Variants in EVI5 observed in about 807,000 individuals in gnomAD.
The protein encoded by EVI5 is ecotropic viral integration site 5 protein homolog.
In EVI5, 73 loss-of-function variants were observed where a neutral mutation model predicts 112.0. The observed-to-expected ratio is 0.65, with a 90% CI of 0.54 to 0.79. EVI5 has a LOEUF of 0.79. EVI5 is among the 30% of genes least tolerant of loss of function. EVI5 has a pLI of 0.00. For synonymous variants in EVI5, 305 were observed against 319.9 expected, an observed-to-expected ratio of 0.95 and a Z score of 0.50; for missense variants, 900 against 968.8, an observed-to-expected ratio of 0.93 and a Z score of 0.94.
chr1:92,722,749 T>C (rs1674961166), intron 2 of EVI5, among the ~76,000 whole-genome samples: 1 of 152,156 alleles, frequency 6.6e-6, no homozygotes, highest in Non-Finnish European at 1.5e-5. Flanking sequence ...AATCTACATA[T>C]TATTTTAAAA....
At chr1:92,673,369 G>A (rs6679839) in intron 10 of EVI5, among the ~76,000 whole-genome samples, 140,168 of 152,128 alleles carry the variant, frequency 0.92, 64,653 homozygotes, top group East Asian at 0.97. Flanking sequence ...AGATCTCTGC[G>A]TCCCGAAGCA....
At chr1:92,704,787 G>T in intron 2 of EVI5, 43 bp from the exon 3 acceptor site, 1 of 904,594 alleles carries the variant, frequency 1.1e-6, no homozygotes. Context: ...ATCGGACAGT[G>T]ATATTAGAAG....
At chr1:92,537,101 A>C (rs186237242) in intron 19 of EVI5, among the ~76,000 whole-genome samples, 1 of 152,302 alleles carries the variant, frequency 6.6e-6, no homozygotes, top group Admixed American at 6.5e-5. Context: ...GGTATTTTGA[A>C]AGACAATCAA....
At chr1:92,690,170 G>A (rs957006195) in intron 9 of EVI5, among the ~76,000 whole-genome samples, 5 of 152,102 alleles carry the variant, frequency 3.3e-5, no homozygotes, top group African/African-American at 7.2e-5. Context: ...GAGCCACCAC[G>A]CCTGGCTGAA....
chr1:92,530,117 C>A (rs1662612009), intron 19 of EVI5, among the ~76,000 whole-genome samples: 1 of 152,100 alleles, frequency 6.6e-6, no homozygotes, highest in South Asian at 2.1e-4. Flanking sequence ...ATATTTATAT[C>A]CTAGAACTTA....
At chr1:92,610,704 ATAAT>A (rs1651567148) in intron 16 of EVI5, among the ~76,000 whole-genome samples, 1 of 152,196 alleles carries the variant, frequency 6.6e-6, no homozygotes, top group South Asian at 2.1e-4. Context: ...TACTGAAGAA[ATAAT>A]TAGTGTCCCA....
intron 16 of EVI5, among the ~76,000 whole-genome samples, chr1:92,617,886 C>T (rs1653595139): frequency 6.6e-6 from 1 of 152,146 alleles, no homozygotes; most frequent in South Asian, 2.1e-4. Flanking sequence ...TCACGGAATA[C>T]CTTAAACACC....
chr1:92,647,455 G>T, intron 13 of EVI5: 1 of 399,632 alleles, frequency 2.5e-6, no homozygotes, highest in South Asian at 3.2e-5. Flanking sequence ...ATCTGCCTTT[G>T]TCATTTCACC....
intron 19 of EVI5, among the ~76,000 whole-genome samples, chr1:92,562,021 T>G (rs903898435): frequency 6.6e-6 from 1 of 152,230 alleles, no homozygotes; most frequent in African/African-American, 2.4e-5. Flanking sequence ...AGAAATAAAG[T>G]CAATCTATAC....
intron 18 of EVI5, among the ~76,000 whole-genome samples, chr1:92,576,832 T>G (rs1247731246): frequency 6.6e-6 from 1 of 152,220 alleles, no homozygotes; most frequent in Non-Finnish European, 1.5e-5. Context: ...CTGAGCCTCT[T>G]GTCAATCTTA....
intron 2 of EVI5, among the ~76,000 whole-genome samples, chr1:92,735,328 A>G (rs1161562608): frequency 6.6e-6 from 1 of 152,132 alleles, no homozygotes; most frequent in Non-Finnish European, 1.5e-5. Flanking sequence ...CCATTTCTAC[A>G]AAATTCTAGA....
chr1:92,776,457 T>G (rs571801789), intron 1 of EVI5, among the ~76,000 whole-genome samples: 60 of 152,256 alleles, frequency 3.9e-4, no homozygotes, highest in African/African-American at 1.4e-3. Flanking sequence ...AATGGGTGGT[T>G]TTATCATTCA....
chr1:92,745,314 T>C (rs1471461097), intron 1 of EVI5, among the ~76,000 whole-genome samples: 1 of 152,082 alleles, frequency 6.6e-6, no homozygotes, highest in African/African-American at 2.4e-5. Flanking sequence ...TTTAAGGTGT[T>C]TGTGTGCTCT....
At chr1:92,762,548 C>T (rs935102870) in intron 1 of EVI5, among the ~76,000 whole-genome samples, 1 of 152,160 alleles carries the variant, frequency 6.6e-6, no homozygotes, top group Non-Finnish European at 1.5e-5. Context: ...TAAGCTAAAA[C>T]TAACTGTAGA....
intron 18 of EVI5, among the ~76,000 whole-genome samples, chr1:92,592,114 G>A (rs1437578524): frequency 6.6e-5 from 10 of 152,190 alleles, no homozygotes; most frequent in Non-Finnish European, 1.5e-4. Context: ...GTGGTAGCAG[G>A]TGCCTGCAGT....
intron 19 of EVI5, among the ~76,000 whole-genome samples, chr1:92,547,476 G>A (rs1416925573): frequency 1.3e-5 from 2 of 152,168 alleles, no homozygotes; most frequent in African/African-American, 4.8e-5. Context: ...AAAGCTAGCA[G>A]AAGGCGAGAA....
intron 9 of EVI5, among the ~76,000 whole-genome samples, chr1:92,685,533 G>A (rs527277891): frequency 6.6e-6 from 1 of 152,146 alleles, no homozygotes; most frequent in South Asian, 2.1e-4. Flanking sequence ...GCTAGCAGAA[G>A]GCAAGAAATA....
At chr1:92,605,550 C>T (rs1400749781) in intron 17 of EVI5, 148 bp from the exon 18 acceptor site, 1 of 570,768 alleles carries the variant, frequency 1.8e-6, no homozygotes, top group Non-Finnish European at 3.1e-6. Context: ...ATGCTCAATA[C>T]ATACAACGAA....
Position 92,629,675 on chromosome 1 carries a change from T to C in EVI5, c.1528-3741A>G, listed in dbSNP as rs989896056. On this transcript the variant is annotated intron_variant, in intron 14 of 19. Transcript: ENST00000684568. ...AATTTTCTTTTTTTTTCTTTTTTTC[T>C]TTTATTATACTTTAAGTTTTAGGGT... Among the ~76,000 whole-genome samples the C allele has an allele frequency of 5.9e-5, 9 of 152,288 alleles. 1 individual carries two copies. Among genetic ancestry groups the C allele is most frequent in the Admixed American group, 3.9e-4 (6 of 15,294 alleles).
Sources: gnomAD v4.1 joint callset for allele counts (sites outside exome capture counted in the v4.1 genomes callset) on GRCh38, gnomAD v4.1.1 for gene constraint, MANE v1.5 for transcripts, NCBI Gene and HGNC (gene_info 2026-07-23, HGNC 2026-07-21) for gene names.